The following CDC42BPA variants were observed in gnomAD, a reference collection of about 807,000 sequenced individuals.
CDC42BPA encodes serine/threonine-protein kinase MRCK alpha.
A neutral mutation model predicts 223.5 loss-of-function variants in CDC42BPA; 80 were observed. The ratio of observed to expected loss-of-function variants is 0.36; its 90% CI spans 0.30 to 0.43. The LOEUF (loss-of-function observed/expected upper bound fraction) is 0.43. Ranked by LOEUF, CDC42BPA falls within the 20% of genes least tolerant of loss-of-function variation. CDC42BPA has a pLI of 1.00. For synonymous variants in CDC42BPA, 694 were observed against 718.6 expected (o/e 0.97, Z 0.55); for missense variants, 1,743 against 2,099.9 (o/e 0.83, Z 3.32).
At chr1:227,030,373 T>C (rs1386024301) in intron 29 of CDC42BPA, 35 bp downstream of exon 29, 3 of 1,366,898 alleles carry the variant, frequency 2.2e-6, no homozygotes, top group Non-Finnish European at 3.1e-6. Flanking sequence ...TAACACGATT[T>C]AAAATTACTC....
intron 3 of CDC42BPA, among the ~76,000 whole-genome samples, chr1:227,206,022 T>C (rs1414056370): frequency 1.3e-5 from 2 of 152,180 alleles, no homozygotes; most frequent in African/African-American, 4.8e-5. Context: ...CACTCCAGCC[T>C]GGACAACAGA....
At position 227,132,289 on chromosome 1, in the gene CDC42BPA, C is replaced by A. The variant is rs549315261; in HGVS notation, c.1391-3058G>T. 1.4e-4 allele frequency among the ~76,000 whole-genome samples: 22 copies of A among 152,312 alleles called. No homozygotes were observed. In the South Asian group the frequency reaches 3.7e-3, roughly 26 times the overall value. Reference sequence around the variant, plus strand: ...CGAGTGCCTCAGGCGCGCCGCCACACCTGACTGGTTTTCGTATTTTTTTGG... The same window carrying A: ...CGAGTGCCTCAGGCGCGCCGCCACAACTGACTGGTTTTCGTATTTTTTTGG... On this transcript the variant is annotated intron_variant, in intron 10 of 36. Transcript: ENST00000366766.
intron 34 of CDC42BPA, among the ~76,000 whole-genome samples, chr1:227,014,302 C>T (rs535749226): frequency 6.6e-6 from 1 of 152,104 alleles, no homozygotes; most frequent in South Asian, 2.1e-4. Flanking sequence ...AGTTTTTGCA[C>T]TTTTTAAATA....
chr1:227,293,845 T>C (rs995122563), intron 1 of CDC42BPA, among the ~76,000 whole-genome samples: 1 of 152,116 alleles, frequency 6.6e-6, no homozygotes, highest in South Asian at 2.1e-4. Flanking sequence ...TTTTCTTCAC[T>C]ACCTTATAAA....
chr1:227,264,323 C>T (rs1351358413), intron 1 of CDC42BPA, among the ~76,000 whole-genome samples: 1 of 152,106 alleles, frequency 6.6e-6, no homozygotes, highest in Non-Finnish European at 1.5e-5. Flanking sequence ...AAGCTATATG[C>T]CTTGTCCTTC....
intron 2 of CDC42BPA, among the ~76,000 whole-genome samples, chr1:227,251,797 T>C (rs1682053466): frequency 6.6e-6 from 1 of 152,100 alleles, no homozygotes; most frequent in African/African-American, 2.4e-5. Flanking sequence ...ACCTAACTGA[T>C]ATTTACAGAA....
intron 31 of CDC42BPA, among the ~76,000 whole-genome samples, chr1:227,024,304 T>C (rs146838508): frequency 5.7e-4 from 87 of 152,314 alleles, no homozygotes; most frequent in Non-Finnish European, 9.9e-4. Context: ...ACAAAACCTA[T>C]GAATCCTGAC....
chr1:227,148,772 C>CAAAAAAAAAAAAAAAAAAA (rs57635319), intron 6 of CDC42BPA, among the ~76,000 whole-genome samples: 2 of 78,786 alleles, frequency 2.5e-5, no homozygotes, highest in African/African-American at 1.1e-4. Context: ...GTCTCAAAAG[C>CAAAAAAAAAAAAAAAAAAA]AAAAAAAAAA....
chr1:227,156,104 A>G lies in CDC42BPA; in HGVS notation c.693+4439T>C, dbSNP rs573203637. Among the ~76,000 whole-genome samples, 125 of 151,072 alleles carry G rather than the reference A, an allele frequency of 8.3e-4. 1 individual carries two copies. Among genetic ancestry groups the G allele is most frequent in the African/African-American group, 2.9e-3 (120 of 41,194 alleles). On this transcript the variant is annotated intron_variant, in intron 6 of 36. Transcript: ENST00000366766. ...TAATTTAAAAATCTGAAATAAAATA[A>G]AGTTTCTTCATTATAGTTTTTTTTT...
intron 33 of CDC42BPA, 73 bp from the exon 34 acceptor site, chr1:227,016,270 T>C (rs1666226303): frequency 8.9e-6 from 7 of 790,538 alleles, no homozygotes; most frequent in Middle Eastern, 2.9e-4. Flanking sequence ...AAATTAAGCT[T>C]AATTTTCTTA....
intron 3 of CDC42BPA, among the ~76,000 whole-genome samples, chr1:227,203,445 A>G (rs1326448776): frequency 6.6e-6 from 1 of 152,286 alleles, no homozygotes; most frequent in East Asian, 1.9e-4. Flanking sequence ...CCTGTTCTAG[A>G]TCAATATTAA....
intron 5 of CDC42BPA, among the ~76,000 whole-genome samples, chr1:227,178,061 T>G (rs1489577206): frequency 6.6e-6 from 1 of 152,216 alleles, no homozygotes; most frequent in Non-Finnish European, 1.5e-5. Context: ...CAAATGTGTT[T>G]TTCTTGAGTT....
chr1:227,065,952 C>T (rs2149004141), intron 21 of CDC42BPA, among the ~76,000 whole-genome samples: 1 of 152,214 alleles, frequency 6.6e-6, no homozygotes, highest in South Asian at 2.1e-4. Flanking sequence ...TCCTCTATAG[C>T]AACGAGACAG....
At position 227,112,786 on chromosome 1, in the gene CDC42BPA, T is replaced by G. The variant is rs1428928244; in HGVS notation, c.1775A>C (p.Gln592Pro). ...GACATGGCGAGCAAGTTTCTGTTTT[T>G]GGGTGTGCAATTCTGTTAGCCGCTC... ...INERLTELHT[Q>P]KQKLARHVRD... The change falls in exon 13 of 37, where the codon CAA (glutamine) becomes CCA (proline). Residue 592 changes from glutamine (Q) to proline (P), a missense_variant. By Grantham distance (76) the Gln-to-Pro change is moderately conservative. Around this residue, in one of 6 missense-constraint regions of CDC42BPA, gnomAD observed 464 missense variants for 488.0 expected, o/e 0.95. Transcript: ENST00000366766. 3 of 1,614,008 alleles carry G rather than the reference T, an allele frequency of 1.9e-6. No homozygotes were observed. The highest frequency in any genetic ancestry group is 2.5e-6 in the Non-Finnish European group (3 of 1,180,004).
Position 227,030,449 on chromosome 1 carries a change from C to T in CDC42BPA, c.3797G>A (p.Gly1266Glu). The T allele has an allele frequency of 6.2e-7, 1 of 1,601,246 alleles. No homozygotes were observed. Among genetic ancestry groups the T allele is most frequent in the Admixed American group, 1.7e-5 (1 of 58,062 alleles). Residue 1266 changes from glycine (G) to glutamate (E), a missense_variant, in exon 29 of 37, where the codon GGA becomes GAA. Around this residue, in one of 6 missense-constraint regions of CDC42BPA, gnomAD observed 678 missense variants for 777.5 expected, o/e 0.87. Transcript: ENST00000366766. ...AIIDHERIAL[G>E]NEEGLFVVHV... ...TACAACAAATAACCCTTCTTCGTTT[C>T]CCAAAGCAATTCTTTCATGATCTAT...
chr1:227,106,906 A>G (rs1029046310), intron 14 of CDC42BPA, among the ~76,000 whole-genome samples: 14 of 152,150 alleles, frequency 9.2e-5, no homozygotes, highest in Admixed American at 9.2e-4. Context: ...TCTTAATTAT[A>G]TTTTATTGGT....
intron 21 of CDC42BPA, chr1:227,069,374 A>C (rs16846933): frequency 0.28 from 43,575 of 154,042 alleles, 6,393 homozygotes; most frequent in African/African-American, 0.35. Context: ...TTAAAAGATG[A>C]ATTGATTTGA....
chr1:227,147,022 A>T (rs897733936), intron 7 of CDC42BPA, among the ~76,000 whole-genome samples: 4 of 152,166 alleles, frequency 2.6e-5, no homozygotes, highest in Non-Finnish European at 4.4e-5. Context: ...TGCACTTATT[A>T]CCACTAAAGT....
At chr1:227,283,179 A>G (rs1398103655) in intron 1 of CDC42BPA, among the ~76,000 whole-genome samples, 1 of 152,172 alleles carries the variant, frequency 6.6e-6, no homozygotes, top group East Asian at 1.9e-4. Context: ...ACACATATTG[A>G]TACAACAGTA....
Sources: allele counts gnomAD v4.1 joint callset (sites outside exome capture counted in the v4.1 genomes callset), GRCh38; gene constraint gnomAD v4.1.1; regional missense constraint gnomAD v4.1.1; transcripts MANE v1.5; gene names NCBI Gene and HGNC (gene_info 2026-07-23, HGNC 2026-07-21).